Variants in ACACA observed in about 807,000 individuals in gnomAD.
ACACA encodes acetyl-CoA carboxylase alpha, also known as acetyl-CoA carboxylase 1.
ACACA carries 103 observed loss-of-function variants against 296.1 expected under a neutral mutation model. The observed-to-expected ratio is 0.35, with a 90% CI of 0.30 to 0.41. The LOEUF (loss-of-function observed/expected upper bound fraction) is 0.41. ACACA is among the 10% of genes least tolerant of loss of function. ACACA has a pLI of 1.00. For synonymous variants in ACACA, 953 were observed against 1,038.6 expected (o/e 0.92, Z 1.58); for missense variants, 1,554 against 2,989.7 (o/e 0.52, Z 11.20).
chr17:37,260,124 T>C (rs1157231846), intron 11 of ACACA, among the ~76,000 whole-genome samples: 1 of 149,612 alleles, frequency 6.7e-6, no homozygotes, highest in Non-Finnish European at 1.5e-5. Context: ...TCAAGTGATC[T>C]ACTCGCCTTG....
chr17:37,375,474 G>A (rs907340381), intron 1 of ACACA, among the ~76,000 whole-genome samples: 3 of 151,922 alleles, frequency 2.0e-5, no homozygotes, highest in Non-Finnish European at 4.4e-5. Context: ...GCGACCGAGC[G>A]AGACTCTGCC....
intron 55 of ACACA, among the ~76,000 whole-genome samples, chr17:37,088,549 G>A (rs555381717): frequency 1.2e-4 from 19 of 152,316 alleles, no homozygotes; most frequent in African/African-American, 4.6e-4. Flanking sequence ...ATCCTATGGA[G>A]CAGACTGAAG....
chr17:37,370,710 C>T (rs375927005), intron 1 of ACACA, among the ~76,000 whole-genome samples: 5 of 151,412 alleles, frequency 3.3e-5, no homozygotes, highest in African/African-American at 7.3e-5. Flanking sequence ...AGGCCAGGTA[C>T]GGTGACTCAT....
chr17:37,132,804 C>G (rs970531661), intron 45 of ACACA, among the ~76,000 whole-genome samples: 1 of 152,190 alleles, frequency 6.6e-6, no homozygotes, highest in African/African-American at 2.4e-5. Flanking sequence ...TTTAAACATA[C>G]TTTCTTCTGA....
chr17:37,244,929 A>G, intron 20 of ACACA, 151 bp downstream of exon 20: 1 of 1,346,538 alleles, frequency 7.4e-7, no homozygotes. Context: ...CTAGTTCCAT[A>G]ATACTACAGG....
chr17:37,288,311 C>T (rs1352973011), intron 3 of ACACA, among the ~76,000 whole-genome samples: 1 of 152,024 alleles, frequency 6.6e-6, no homozygotes, highest in Non-Finnish European at 1.5e-5. Context: ...TTCTTTTGGG[C>T]CCCAAGTCCA....
intron 3 of ACACA, among the ~76,000 whole-genome samples, chr17:37,293,539 CTTT>C (rs58534025): frequency 8.8e-5 from 11 of 124,586 alleles, no homozygotes; most frequent in Non-Finnish European, 1.0e-4. Context: ...AATTTTAGGA[CTTT>C]TTTTTTTTTT....
At chr17:37,104,823 T>C (rs1423499049) in intron 52 of ACACA, among the ~76,000 whole-genome samples, 1 of 151,716 alleles carries the variant, frequency 6.6e-6, no homozygotes, top group Non-Finnish European at 1.5e-5. Flanking sequence ...TGCCTTGTAG[T>C]CCTAGCTACT....
At chr17:37,178,251 A>T (rs2077192654) in intron 41 of ACACA, among the ~76,000 whole-genome samples, 1 of 152,220 alleles carries the variant, frequency 6.6e-6, no homozygotes, top group Admixed American at 6.5e-5. Flanking sequence ...TTATATCACT[A>T]TTCATAGGTT....
At chr17:37,404,820 C>T (rs569948061) in intron 1 of ACACA, among the ~76,000 whole-genome samples, 17 of 152,096 alleles carry the variant, frequency 1.1e-4, no homozygotes, top group South Asian at 4.2e-4. Flanking sequence ...TCAAGTGATC[C>T]GCCTGCCTCG....
In ACACA at chr17:37,157,052, G is replaced by A. The variant is rs184325283; in HGVS notation, c.5350-1272C>T. On this transcript the variant is annotated intron_variant, in intron 42 of 55. Coordinates refer to ENST00000616317, the MANE Select transcript of ACACA (RefSeq NM_198834.3). ...CCCTTATGAAACATACCTCCTACTCGGAAAGTCAGGAAATACACAAAATAA... is the reference window on the plus strand; with the variant it reads ...CCCTTATGAAACATACCTCCTACTCAGAAAGTCAGGAAATACACAAAATAA... Among the ~76,000 whole-genome samples the A allele has an allele frequency of 5.5e-3, 838 of 152,144 alleles. 9 individuals are homozygous for A. The highest frequency in any genetic ancestry group is 0.018 in the African/African-American group (746 of 41,502).
chr17:37,326,922 GAA>G, intron 3 of ACACA, among the ~76,000 whole-genome samples: 1 of 152,168 alleles, frequency 6.6e-6, no homozygotes. Context: ...TCCATCGCAG[GAA>G]AAGTCTATTT....
At chr17:37,130,607 A>C (rs1267186881) in intron 45 of ACACA, among the ~76,000 whole-genome samples, 1 of 152,122 alleles carries the variant, frequency 6.6e-6, no homozygotes, top group Non-Finnish European at 1.5e-5. Flanking sequence ...AAAACAAAAA[A>C]TACTTTTAAC....
chr17:37,379,034 T>G, intron 1 of ACACA: 1 of 1,355,524 alleles, frequency 7.4e-7, no homozygotes, highest in Non-Finnish European at 9.9e-7. Context: ...ATTGCGACAC[T>G]GCACTCCAGC....
chr17:37,372,818 A>G (rs1049767014), intron 1 of ACACA, among the ~76,000 whole-genome samples: 2 of 152,156 alleles, frequency 1.3e-5, no homozygotes, highest in Admixed American at 1.3e-4. Flanking sequence ...AATATCTAGG[A>G]GTAGAGAAAT....
intron 3 of ACACA, among the ~76,000 whole-genome samples, chr17:37,325,348 A>G (rs2047558725): frequency 6.6e-6 from 1 of 151,276 alleles, no homozygotes; most frequent in Non-Finnish European, 1.5e-5. Context: ...CCTGTACAAC[A>G]AGAGTGAAAC....
rs941181384 is a variant in ACACA, at chr17:37,221,858, C to A, written c.3565-16G>T. 3 of 1,590,680 alleles carry A rather than the reference C, an allele frequency of 1.9e-6. No individual in the cohort carries two copies. Among genetic ancestry groups the A allele is most frequent in the East Asian group, 2.2e-5 (1 of 44,766 alleles). On this transcript the variant is annotated splice_polypyrimidine_tract_variant and intron_variant, in intron 28 of 55. Coordinates refer to ENST00000616317, the MANE Select transcript of ACACA (RefSeq NM_198834.3). ...GAACATACACCTGGTTCAAAAGAAACCCTCAGTAAATAAATTTCAAAAACA... is the reference window on the plus strand; with the variant it reads ...GAACATACACCTGGTTCAAAAGAAAACCTCAGTAAATAAATTTCAAAAACA...
intron 45 of ACACA, chr17:37,141,080 T>C (rs886996506): frequency 4.6e-6 from 2 of 437,996 alleles, no homozygotes; most frequent in Admixed American, 2.6e-5. Context: ...ACATGGCCAT[T>C]GTAGTCCCTG....
chr17:37,353,744 G>T (rs1353484021), intron 1 of ACACA, among the ~76,000 whole-genome samples: 2 of 151,132 alleles, frequency 1.3e-5, no homozygotes, highest in Non-Finnish European at 2.9e-5. Context: ...CATAAATGAG[G>T]CCTTATATTT....
Sources: gnomAD v4.1 joint callset for allele counts (sites outside exome capture counted in the v4.1 genomes callset) on GRCh38, gnomAD v4.1.1 for gene constraint, MANE v1.5 for transcripts, NCBI Gene and HGNC (gene_info 2026-07-23, HGNC 2026-07-21) for gene names.